SLC44A4: variants seen among roughly 807,000 people sequenced by gnomAD.
SLC44A4 encodes choline transporter-like protein 4.
SLC44A4 carries 74 observed loss-of-function variants against 97.0 expected under a neutral mutation model. That is an observed-to-expected ratio of 0.76 (90% CI 0.63 to 0.93). The LOEUF (loss-of-function observed/expected upper bound fraction) is 0.93, where lower values mean the gene tolerates loss of function less well. Ranked by LOEUF, SLC44A4 falls within the 40% of genes least tolerant of loss-of-function variation. The pLI, the probability that SLC44A4 is intolerant of heterozygous loss-of-function variation, is 0.00. For missense variants in SLC44A4, 799 were observed against 902.9 expected (o/e 0.88, Z 1.48); for synonymous variants, 325 against 363.8 (o/e 0.89, Z 1.21).
Position 31,870,640 on chromosome 6 carries a change from TCCGCTG to T in SLC44A4, c.994_999del (p.Gln332_Arg333del), listed in dbSNP as rs1317374146. On this transcript the variant is annotated inframe_deletion, in exon 11 of 21. Transcript: ENST00000229729. The stretch of plus-strand genomic sequence containing the variant: ...TTCAGGAGGGCGATGGCAATACGAA[TCCGCTG>T]CCGCAGGAAGATGAGCATCAGCAGC... 6.2e-7 allele frequency: 1 copy of T among 1,608,482 alleles called. No homozygotes were observed. Among genetic ancestry groups the T allele is most frequent in the Non-Finnish European group, 8.5e-7 (1 of 1,178,080 alleles).
rs1277863645 is a variant in SLC44A4 at position 31,865,824 on chromosome 6, C to T, written c.1488-40G>A. On this transcript the variant is annotated intron_variant, in intron 14 of 20. Coordinates refer to ENST00000229729, the MANE Select transcript of SLC44A4 (RefSeq NM_025257.3). This position sits in a 1 kb window ranked among gnomAD's most constrained non-coding sequence, Gnocchi z 5.2. The stretch of plus-strand genomic sequence containing the variant: ...ATGCAGTCAGAGACAGCTCCAGGAC[C>T]CCTGGGGCCCCCGTGCCTACAATGA... The T allele has an allele frequency of 3.7e-6, 6 of 1,613,884 alleles. No individual in the cohort carries two copies. Among genetic ancestry groups the T allele is most frequent in the Admixed American group, 1.7e-5 (1 of 60,018 alleles).
At position 31,876,031 on chromosome 6, in the gene SLC44A4, T is replaced by C; in HGVS notation, c.163+25A>G. The C allele has an allele frequency of 6.2e-7, 1 of 1,613,898 alleles. No individual in the cohort carries two copies. Among genetic ancestry groups the C allele is most frequent in the Non-Finnish European group, 8.5e-7 (1 of 1,179,812 alleles). On this transcript the variant is annotated intron_variant, in intron 3 of 20. Coordinates refer to ENST00000229729, the MANE Select transcript of SLC44A4 (RefSeq NM_025257.3). This position sits in a 1 kb window ranked among gnomAD's most constrained non-coding sequence, Gnocchi z 4.8. ...GGTTCCTGTCCCTCACCCACTGCCC[T>C]GGCTCTGAGCAGCTGGAAACTCACC...
rs763586300 is a variant in SLC44A4, at chr6:31,863,741, G to A, written c.2019C>T (p.Asp673=). ...CCAGGGAGCCGTTGTTCCGCTCCAG[G>A]TCTTCCACTGAGCCGCAACAGAGAC... ...VDTLFLCFLE[D]LERNNGSLDR... is the part of the protein sequence containing the mutation. The change falls in exon 21 of 21, where the codon GAC becomes GAT. Residue 673 remains aspartate, a synonymous_variant. Coordinates refer to ENST00000229729, the MANE Select transcript of SLC44A4 (RefSeq NM_025257.3). 6.2e-7 allele frequency: 1 copy of A among 1,612,750 alleles called. No individual in the cohort carries two copies. Among genetic ancestry groups the A allele is most frequent in the South Asian group, 1.1e-5 (1 of 91,052 alleles).
rs747000042 is a variant in SLC44A4 at position 31,874,500 on chromosome 6, T to C, written c.489A>G (p.Gln163=). The part of the protein sequence containing the change: ...PWNMTVITSL[Q]QELCPSFLLP... ...GGAGGAAACTGGGGCAGAGTTCCTGTTGCAGGCTTGTGATCACCGTCTGTG... is the reference window on the plus strand; with the variant it reads ...GGAGGAAACTGGGGCAGAGTTCCTGCTGCAGGCTTGTGATCACCGTCTGTG... The change falls in exon 7 of 21, where the codon CAA becomes CAG. Residue 163 remains glutamine, a synonymous_variant. Coordinates refer to ENST00000229729, the MANE Select transcript of SLC44A4 (RefSeq NM_025257.3). The surrounding 1 kb of genome is among the most constrained non-coding windows in gnomAD (Gnocchi z 4.8). The C allele has an allele frequency of 3.0e-5, 48 of 1,612,902 alleles. No individual in the cohort carries two copies. In the South Asian group the frequency reaches 5.3e-4, roughly 18 times the overall value.
At chr6:31,869,479 G>T in intron 12 of SLC44A4, 66 bp downstream of exon 12, 1 of 1,362,446 alleles carries the variant, frequency 7.3e-7, no homozygotes, top group Non-Finnish European at 1.0e-6. Flanking sequence ...TACAGGGCAA[G>T]TATTGCTTTG....
chr6:31,866,584 A>G (rs1762884496), intron 13 of SLC44A4, among the ~76,000 whole-genome samples: 1 of 152,116 alleles, frequency 6.6e-6, no homozygotes, highest in Non-Finnish European at 1.5e-5. Context: ...AATTTGCCTT[A>G]AAAGTCTCCA....
chr6:31,872,678 A>G (rs553108), intron 7 of SLC44A4, among the ~76,000 whole-genome samples: 97,476 of 152,048 alleles, frequency 0.64, 31,563 homozygotes, highest in Middle Eastern at 0.79. Context: ...GACTACAGGC[A>G]TGAGCCACTG....
At position 31,874,447 on chromosome 6, in the gene SLC44A4, C is replaced by A; in HGVS notation, c.529+13G>T. The A allele has an allele frequency of 6.2e-7, 1 of 1,612,898 alleles. No individual in the cohort carries two copies. Among genetic ancestry groups the A allele is most frequent in the Non-Finnish European group, 8.5e-7 (1 of 1,179,850 alleles). ...ACTAGATGACGTCTGAGGAAGGAAT[C>A]TGTGCTTCTCACCTGGAGCAGAGGG... On this transcript the variant is annotated intron_variant, in intron 7 of 20. Coordinates refer to ENST00000229729, the MANE Select transcript of SLC44A4 (RefSeq NM_025257.3). This position sits in a 1 kb window ranked among gnomAD's most constrained non-coding sequence, Gnocchi z 4.8.
chr6:31,872,904 G>C (rs1341950067), intron 7 of SLC44A4, among the ~76,000 whole-genome samples: 2 of 142,528 alleles, frequency 1.4e-5, no homozygotes, highest in Non-Finnish European at 3.1e-5. Flanking sequence ...TTTTGAGATG[G>C]AGTCTCACTG....
chr6:31,876,619 G>T lies in SLC44A4; in HGVS notation c.89+415C>A, dbSNP rs1402622084. ...CCTGGTGTGATGGTGCATGCCTGTA[G>T]TCCCAGCTACTCGGAAGGCTAGGGC... is the stretch of plus-strand genomic sequence containing the variant. On this transcript the variant is annotated intron_variant, in intron 2 of 20. Coordinates refer to ENST00000229729, the MANE Select transcript of SLC44A4 (RefSeq NM_025257.3). This position sits in a 1 kb window ranked among gnomAD's most constrained non-coding sequence, Gnocchi z 4.8. Among the ~76,000 whole-genome samples, 1 of 152,124 alleles carries T rather than the reference G, an allele frequency of 6.6e-6. No homozygotes were observed. The highest frequency in any genetic ancestry group is 1.9e-4 in the East Asian group (1 of 5,194).
rs759362633 is a variant in SLC44A4 at position 31,869,242 on chromosome 6, C to T, written c.1146G>A (p.Ser382=). 8.1e-6 allele frequency: 13 copies of T among 1,606,934 alleles called. No individual in the cohort carries two copies. The highest frequency in any genetic ancestry group is 1.0e-5 in the Non-Finnish European group (12 of 1,177,186). The change falls in exon 13 of 21, where the codon TCG becomes TCA. Residue 382 remains serine (S), a synonymous_variant. Transcript: ENST00000229729. ...CCCAGAGCACATACTGGGGTTGCCCCGATGTAGCCAGGTACCCAGAGGGGA... is the reference window on the plus strand; with the variant it reads ...CCCAGAGCACATACTGGGGTTGCCCTGATGTAGCCAGGTACCCAGAGGGGA... ...WAMTALYLAT[S]GQPQYVLWAS...
Position 31,864,064 on chromosome 6 carries a change from T to C in SLC44A4, c.2012-316A>G, listed in dbSNP as rs1581829735. ...TGCTGGGAAGTCTCTCTAATGGCTC[T>C]TTTTTTTTTTTAATCTTTTTTCTTT... On this transcript the variant is annotated intron_variant, in intron 20 of 20. Coordinates refer to ENST00000229729, the MANE Select transcript of SLC44A4 (RefSeq NM_025257.3). Among the ~76,000 whole-genome samples, 6 of 134,188 alleles carry C rather than the reference T, an allele frequency of 4.5e-5. No homozygotes were observed. In the East Asian group the frequency reaches 1.3e-3, roughly 29 times the overall value. 88.0% of individuals were successfully genotyped at this position (134,188 alleles called of 152,430 possible).
Position 31,868,867 on chromosome 6 carries a change from G to C in SLC44A4, c.1233+288C>G, listed in dbSNP as rs73402192. Among the ~76,000 whole-genome samples the C allele has an allele frequency of 3.5e-3, 527 of 152,220 alleles. 3 individuals are homozygous for C. The highest frequency in any genetic ancestry group is 0.012 in the African/African-American group (507 of 41,522). Reference sequence around the variant, plus strand: ...CTGAGACTCAGAGGGTGAAGTGGTTGATGGTCCTCAAGTCAGAGCAATGTC... The same window carrying C: ...CTGAGACTCAGAGGGTGAAGTGGTTCATGGTCCTCAAGTCAGAGCAATGTC... On this transcript the variant is annotated intron_variant, in intron 13 of 20. Coordinates refer to ENST00000229729, the MANE Select transcript of SLC44A4 (RefSeq NM_025257.3).
rs760237651 is a variant in SLC44A4, at chr6:31,866,134, G to T, written c.1234-8C>A. On this transcript the variant is annotated splice_polypyrimidine_tract_variant and splice_region_variant and intron_variant, in intron 13 of 20. Coordinates refer to ENST00000229729, the MANE Select transcript of SLC44A4 (RefSeq NM_025257.3). Reference sequence around the variant, plus strand: ...GGAGTTCACAAGGTGGGCCTGGGAGGGTAGACGGGGATAGAGTAGGCTCAG... The same window carrying T: ...GGAGTTCACAAGGTGGGCCTGGGAGTGTAGACGGGGATAGAGTAGGCTCAG... 1.9e-6 allele frequency: 3 copies of T among 1,613,484 alleles called. No individual in the cohort carries two copies. Among genetic ancestry groups the T allele is most frequent in the Non-Finnish European group, 1.7e-6 (2 of 1,179,782 alleles).
At chr6:31,869,120 C>T in intron 13 of SLC44A4, 35 bp downstream of exon 13, 1 of 1,551,800 alleles carries the variant, frequency 6.4e-7, no homozygotes, top group Non-Finnish European at 8.8e-7. Context: ...CTCACCCCTA[C>T]TAGTCCCGCC....
Position 31,865,553 on chromosome 6 carries a change from CA to C in SLC44A4, c.1630del (p.Cys544AlafsTer12), listed in dbSNP as rs1453956878. 6.3e-7 allele frequency: 1 copy of C among 1,598,540 alleles called. No individual in the cohort carries two copies. Among genetic ancestry groups the C allele is most frequent in the Admixed American group, 1.7e-5 (1 of 59,366 alleles). On this transcript the variant is annotated frameshift_variant, in exon 16 of 21. Coordinates refer to ENST00000229729, the MANE Select transcript of SLC44A4 (RefSeq NM_025257.3). LOFTEE classifies it high-confidence loss of function. This position sits in a 1 kb window ranked among gnomAD's most constrained non-coding sequence, Gnocchi z 5.2. Reference sequence around the variant, plus strand: ...GATAAATTTTTCCAGACACCAGAGGCAGCACTTGAAACAGCACATGATGCAG... The same window carrying C: ...GATAAATTTTTCCAGACACCAGAGGCGCACTTGAAACAGCACATGATGCAG... Reference protein sequence around the residue: ...ARCIMCCFKCCLWCLEKFIKF... With the variant: ...ARCIMCCFKCXLWCLEKFIKF...
chr6:31,868,425 A>C (rs57165260), intron 13 of SLC44A4, among the ~76,000 whole-genome samples: 16,625 of 152,186 alleles, frequency 0.11, 1,098 homozygotes, highest in Admixed American at 0.18. Context: ...TATGTGCCCA[A>C]AGTCATTTCA....
intron 9 of SLC44A4, 95 bp from the exon 10 acceptor site, chr6:31,871,142 G>T: frequency 7.6e-7 from 1 of 1,307,992 alleles, no homozygotes; most frequent in Non-Finnish European, 1.1e-6. Flanking sequence ...ACCACCCAAT[G>T]TCCCCAGATT....
Position 31,874,325 on chromosome 6 carries a change from TGAA to T in SLC44A4, c.529+132_529+134del, listed in dbSNP as rs764955765. The T allele has an allele frequency of 1.1e-6, 1 of 923,026 alleles. No homozygotes were observed. The highest frequency in any genetic ancestry group is 1.7e-6 in the Non-Finnish European group (1 of 578,120). The allele number at this position is 923,026 out of a possible 1,614,324, so 57.2% of individuals were successfully genotyped here. On this transcript the variant is annotated intron_variant, in intron 7 of 20. Coordinates refer to ENST00000229729, the MANE Select transcript of SLC44A4 (RefSeq NM_025257.3). This position sits in a 1 kb window ranked among gnomAD's most constrained non-coding sequence, Gnocchi z 4.8. The stretch of plus-strand genomic sequence containing the variant: ...CAAGGCCACATAACAAAGAGCAAAA[TGAA>T]GACCTGATGCTAATTCCAATTTTGC...
Sources: gnomAD v4.1 joint callset for allele counts (sites outside exome capture counted in the v4.1 genomes callset) on GRCh38, gnomAD v4.1.1 for gene constraint, Gnocchi (gnomAD v3.1) non-coding constraint, MANE v1.5 for transcripts, NCBI Gene and HGNC (gene_info 2026-07-23, HGNC 2026-07-21) for gene names.